The following FOXJ3 variants were observed in gnomAD, a reference collection of about 807,000 sequenced individuals.
The protein encoded by FOXJ3 is forkhead box protein J3.
Under a neutral mutation model 76.1 loss-of-function variants are expected in FOXJ3, and 22 were observed. The observed-to-expected ratio is 0.29, with a 90% confidence interval of 0.21 to 0.41. FOXJ3 has a LOEUF of 0.41. FOXJ3 is among the 10% of genes least tolerant of loss of function. The pLI is 1.00. For missense variants in FOXJ3, 613 were observed against 762.1 expected, an observed-to-expected ratio of 0.80 and a Z score of 2.30; for synonymous variants, 269 against 261.2, an observed-to-expected ratio of 1.03 and a Z score of -0.29.
intron 2 of FOXJ3, among the ~76,000 whole-genome samples, chr1:42,297,928 C>A (rs1429385354): frequency 1.3e-5 from 2 of 152,094 alleles, no homozygotes; most frequent in African/African-American, 4.8e-5. Context: ...CTATCTGGTC[C>A]TGGCCTTTTT....
intron 3 of FOXJ3, among the ~76,000 whole-genome samples, chr1:42,275,906 A>G (rs1204083994): frequency 1.3e-5 from 2 of 152,326 alleles, no homozygotes; most frequent in East Asian, 1.9e-4. Context: ...TTGAATGACA[A>G]CAACAGCACA....
Position 42,274,871 on chromosome 1 carries a change from A to G in FOXJ3, c.369+3477T>C, listed in dbSNP as rs1570126252. ...CTGAAATAATAGGGCAATATCAACT[A>G]AAAAAAAAAGGCGGCGGGGGGGCAA... On this transcript the variant is annotated intron_variant, in intron 3 of 12. Transcript: ENST00000361346. Among the ~76,000 whole-genome samples the G allele has an allele frequency of 5.4e-5, 8 of 148,042 alleles. No individual in the cohort carries two copies. In the Admixed American group the frequency reaches 5.4e-4, roughly 10 times the overall value.
In FOXJ3 at chr1:42,217,760, C is replaced by T. The variant is rs1310766418; in HGVS notation, c.528+10123G>A. On this transcript the variant is annotated intron_variant, in intron 5 of 12. Transcript: ENST00000361346. Reference sequence around the variant, plus strand: ...CTGGGGACAAGAGTTGAGTGAATTTCTGGGGATGATGAAAATGTTAATGTG... The same window carrying T: ...CTGGGGACAAGAGTTGAGTGAATTTTTGGGGATGATGAAAATGTTAATGTG... Among the ~76,000 whole-genome samples, 116 of 152,178 alleles carry T rather than the reference C, an allele frequency of 7.6e-4. 2 individuals carry two copies. The highest frequency in any genetic ancestry group is 8.8e-5 in the Non-Finnish European group (6 of 68,036).
intron 4 of FOXJ3, among the ~76,000 whole-genome samples, chr1:42,231,186 C>T (rs1465848354): frequency 6.6e-6 from 1 of 151,614 alleles, no homozygotes; most frequent in Non-Finnish European, 1.5e-5. Context: ...ATTAGCAGGG[C>T]ATGATGGCAG....
At chr1:42,321,393 T>C (rs1655419557) in intron 1 of FOXJ3, among the ~76,000 whole-genome samples, 3 of 152,020 alleles carry the variant, frequency 2.0e-5, no homozygotes, top group Admixed American at 2.0e-4. Context: ...AACATGAAAA[T>C]CATTTATCTA....
chr1:42,291,071 T>TAGACAGACAGACAGACAGAC (rs1393418289), intron 2 of FOXJ3, among the ~76,000 whole-genome samples: 10 of 87,478 alleles, frequency 1.1e-4, no homozygotes, highest in African/African-American at 1.3e-4. Context: ...GATAGATAGA[T>TAGACAGACAGACAGACAGAC]AGATAGATAG....
intron 7 of FOXJ3, among the ~76,000 whole-genome samples, chr1:42,197,118 A>C (rs1352803028): frequency 6.6e-6 from 1 of 151,768 alleles, no homozygotes; most frequent in African/African-American, 2.4e-5. Flanking sequence ...ATATGAATTA[A>C]AATTTGGGCA....
chr1:42,331,427 T>C (rs1438294945), intron 1 of FOXJ3, among the ~76,000 whole-genome samples: 2 of 151,996 alleles, frequency 1.3e-5, no homozygotes, highest in African/African-American at 4.8e-5. Context: ...CAAATGTCCA[T>C]CAACTAAAGC....
chr1:42,293,455 CA>C lies in FOXJ3; in HGVS notation c.45-14784del, dbSNP rs553241726. On this transcript the variant is annotated intron_variant, in intron 2 of 12. Transcript: ENST00000361346. Reference sequence around the variant, plus strand: ...TTATCAGGTAAATGCAAACTTAAAACAACAAGATACTATTCCAAACCCACTA... The same window carrying C: ...TTATCAGGTAAATGCAAACTTAAAACACAAGATACTATTCCAAACCCACTA... 3.8e-3 allele frequency among the ~76,000 whole-genome samples: 574 copies of C among 152,114 alleles called. 1 individual carries two copies. Among genetic ancestry groups the C allele is most frequent in the Non-Finnish European group, 7.0e-3 (479 of 67,958 alleles).
At chr1:42,324,229 A>G (rs1480648615) in intron 1 of FOXJ3, among the ~76,000 whole-genome samples, 5 of 108,332 alleles carry the variant, frequency 4.6e-5, no homozygotes, top group African/African-American at 1.6e-4. Context: ...AAATTCTAGG[A>G]ATATATACAC....
At chr1:42,289,772 T>C (rs776133689) in intron 2 of FOXJ3, among the ~76,000 whole-genome samples, 1 of 152,148 alleles carries the variant, frequency 6.6e-6, no homozygotes, top group Non-Finnish European at 1.5e-5. Flanking sequence ...TACTGCTCAT[T>C]ATGATTACCT....
At chr1:42,256,254 T>G (rs980135428) in intron 4 of FOXJ3, among the ~76,000 whole-genome samples, 11 of 152,208 alleles carry the variant, frequency 7.2e-5, no homozygotes, top group Non-Finnish European at 1.5e-4. Context: ...ATTCAAATTT[T>G]CTACTTTTTA....
chr1:42,262,168 G>A (rs1651089702), intron 4 of FOXJ3, among the ~76,000 whole-genome samples: 1 of 152,190 alleles, frequency 6.6e-6, no homozygotes, highest in African/African-American at 2.4e-5. Flanking sequence ...AGAGAAGTTA[G>A]CACAACTAAT....
intron 5 of FOXJ3, among the ~76,000 whole-genome samples, chr1:42,211,609 A>G (rs1331219691): frequency 6.6e-6 from 1 of 152,108 alleles, no homozygotes; most frequent in African/African-American, 2.4e-5. Flanking sequence ...AGCCTAAACT[A>G]TTCAACTCAG....
Position 42,277,312 on chromosome 1 carries a change from C to T in FOXJ3, c.369+1036G>A, listed in dbSNP as rs536639038. On this transcript the variant is annotated intron_variant, in intron 3 of 12. Coordinates refer to ENST00000361346, the MANE Select transcript of FOXJ3 (RefSeq NM_014947.5). ...TTTAAAAATTAGCTGGCCATGGTGGCGTGCTCAGGCACTCGACCTTGGGTA... is the reference window on the plus strand; with the variant it reads ...TTTAAAAATTAGCTGGCCATGGTGGTGTGCTCAGGCACTCGACCTTGGGTA... Among the ~76,000 whole-genome samples the T allele has an allele frequency of 1.5e-3, 231 of 151,148 alleles. 1 individual carries two copies. Among genetic ancestry groups the T allele is most frequent in the African/African-American group, 5.3e-3 (220 of 41,122 alleles).
At chr1:42,238,056 G>A (rs1345200693) in intron 4 of FOXJ3, among the ~76,000 whole-genome samples, 3 of 151,340 alleles carry the variant, frequency 2.0e-5, no homozygotes, top group Admixed American at 6.6e-5. Context: ...TTTTTGAGAC[G>A]GGAGTCTCAC....
chr1:42,317,708 T>A (rs1655201939), intron 1 of FOXJ3, among the ~76,000 whole-genome samples: 1 of 151,994 alleles, frequency 6.6e-6, no homozygotes, highest in African/African-American at 2.4e-5. Context: ...AAAATTAGCA[T>A]GGATAGGGGT....
chr1:42,191,672 A>G lies in FOXJ3; in HGVS notation c.982T>C (p.Cys328Arg), dbSNP rs773969075. ...SESSQQSHTS[C>R]TYQHSPSSTV... ...CTGCTGGGAGAGTGCTGATAGGTAC[A>G]TGAAGTGTGGGACTGCTGGGAAGAT... Residue 328 changes from cysteine (C) to arginine (R), a missense_variant, in exon 9 of 13, where the codon TGT (cysteine) becomes CGT (arginine). Physicochemically the swap from Cys to Arg is radical, Grantham distance 180. This residue lies in a region of FOXJ3 where 526 missense variants were observed against 601.4 expected (regional missense o/e 0.87). Coordinates refer to ENST00000361346, the MANE Select transcript of FOXJ3 (RefSeq NM_014947.5). 2 of 1,614,186 alleles carry G rather than the reference A, an allele frequency of 1.2e-6. No individual in the cohort carries two copies. Among genetic ancestry groups the G allele is most frequent in the Non-Finnish European group, 1.7e-6 (2 of 1,180,004 alleles).
At chr1:42,292,714 T>G (rs866901042) in intron 2 of FOXJ3, among the ~76,000 whole-genome samples, 1 of 152,160 alleles carries the variant, frequency 6.6e-6, no homozygotes, top group Admixed American at 6.5e-5. Context: ...GTTCACCACA[T>G]TGATGTGGTG....
Sources: allele counts gnomAD v4.1 joint callset (sites outside exome capture counted in the v4.1 genomes callset), GRCh38; gene constraint gnomAD v4.1.1; regional missense constraint gnomAD v4.1.1; transcripts MANE v1.5; gene names NCBI Gene and HGNC (gene_info 2026-07-23, HGNC 2026-07-21).